HS3ST5: variants seen among roughly 807,000 people sequenced by gnomAD.
The protein encoded by HS3ST5 is heparan sulfate-glucosamine 3-sulfotransferase 5, also known as heparan sulfate glucosamine 3-O-sulfotransferase 5.
Under a neutral mutation model 25.4 loss-of-function variants are expected in HS3ST5, and 10 were observed. That is an observed-to-expected ratio of 0.39 (90% CI 0.24 to 0.67). The LOEUF is 0.67. Among genes scored for constraint, HS3ST5 ranks in the 30% least tolerant of loss-of-function variants. The probability of loss-of-function intolerance (pLI) is 0.44; values close to 1 mark genes in which losing one functional copy is unlikely to be tolerated. For synonymous variants in HS3ST5, 170 were observed against 162.4 expected (o/e 1.05, Z -0.36); for missense variants, 324 against 420.7 (o/e 0.77, Z 2.01).
chr6:114,341,589 C>CCGCG (rs5879260), intron 1 of HS3ST5, among the ~76,000 whole-genome samples: 16 of 145,956 alleles, frequency 1.1e-4, no homozygotes, highest in South Asian at 6.8e-4. Context: ...TGCATCCATC[C>CCGCG]CGCGCGCGCG....
At position 114,187,269 on chromosome 6, in the gene HS3ST5, C is replaced by A. The variant is rs536919486; in HGVS notation, c.-144-18807G>T. Among the ~76,000 whole-genome samples, 38 of 152,220 alleles carry A rather than the reference C, an allele frequency of 2.5e-4. No homozygotes were observed. The South Asian group carries it at 7.7e-3, about 31-fold the overall frequency. On this transcript the variant is annotated intron_variant, in intron 2 of 4. Transcript: ENST00000312719. ...CAGTGATTCCTCTGATGAATCTGGGCAAAATAAATTAGAAATCTTCTGGAA... is the reference window on the plus strand; with the variant it reads ...CAGTGATTCCTCTGATGAATCTGGGAAAAATAAATTAGAAATCTTCTGGAA...
intron 2 of HS3ST5, among the ~76,000 whole-genome samples, chr6:114,168,770 T>C (rs1779334111): frequency 6.6e-6 from 1 of 152,194 alleles, no homozygotes; most frequent in African/African-American, 2.4e-5. Flanking sequence ...AACATTTGTA[T>C]AGCAGAACCT....
At chr6:114,277,569 CT>C (rs1209304171) in intron 1 of HS3ST5, among the ~76,000 whole-genome samples, 3 of 151,668 alleles carry the variant, frequency 2.0e-5, no homozygotes, top group African/African-American at 7.3e-5. Context: ...TTCCCCATTC[CT>C]TTTTCCCATT....
intron 1 of HS3ST5, among the ~76,000 whole-genome samples, chr6:114,325,057 G>A (rs6900928): frequency 0.063 from 9,640 of 152,216 alleles, 551 homozygotes; most frequent in African/African-American, 0.15. Flanking sequence ...GGATTGGCTT[G>A]GTGTAGAAAG....
chr6:114,167,991 C>T (rs769433599), intron 3 of HS3ST5, among the ~76,000 whole-genome samples: 3 of 152,072 alleles, frequency 2.0e-5, no homozygotes, highest in Non-Finnish European at 4.4e-5. Context: ...GACAAAGGAT[C>T]TCTGTGTTTA....
At chr6:114,318,542 A>C (rs1775836723) in intron 1 of HS3ST5, among the ~76,000 whole-genome samples, 1 of 152,144 alleles carries the variant, frequency 6.6e-6, no homozygotes, top group Non-Finnish European at 1.5e-5. Context: ...TCTTCACAGC[A>C]TTATTTCCTA....
chr6:114,115,247 T>C (rs562488083), intron 3 of HS3ST5, among the ~76,000 whole-genome samples: 2 of 152,232 alleles, frequency 1.3e-5, no homozygotes, highest in Admixed American at 6.5e-5. Flanking sequence ...TTAATTCTGA[T>C]TTTCTAAGAA....
intron 1 of HS3ST5, among the ~76,000 whole-genome samples, chr6:114,320,515 T>C (rs1051128124): frequency 6.6e-6 from 1 of 152,134 alleles, no homozygotes; most frequent in Non-Finnish European, 1.5e-5. Context: ...GATTGCATCA[T>C]AAGATAGCTC....
Position 114,057,671 on chromosome 6 carries a change from C to T in HS3ST5, c.627G>A (p.Lys209=), listed in dbSNP as rs750587994. 6.2e-7 allele frequency: 1 copy of T among 1,614,150 alleles called. No individual in the cohort carries two copies. The highest frequency in any genetic ancestry group is 1.1e-5 in the South Asian group (1 of 91,082). The change falls in exon 5 of 5, where the codon AAG becomes AAA. Residue 209 remains lysine (K), a synonymous_variant. Transcript: ENST00000312719. ...GKERKNKTYY[K]FEKLAIDPNT... The stretch of plus-strand genomic sequence containing the variant: ...TAGGGTCTATGGCCAGCTTCTCAAA[C>T]TTGTAATAAGTTTTGTTCTTCCTCT...
intron 1 of HS3ST5, among the ~76,000 whole-genome samples, chr6:114,292,536 A>G (rs1774626701): frequency 6.6e-6 from 1 of 152,240 alleles, no homozygotes; most frequent in Admixed American, 6.5e-5. Flanking sequence ...GGGACATACT[A>G]AAACCACAGC....
chr6:114,304,809 T>C (rs1775222376), intron 1 of HS3ST5, among the ~76,000 whole-genome samples: 1 of 152,138 alleles, frequency 6.6e-6, no homozygotes. Context: ...GTGTCTGACA[T>C]AATAAATGAC....
chr6:114,086,858 C>G (rs9320479), intron 3 of HS3ST5, among the ~76,000 whole-genome samples: 21,470 of 152,184 alleles, frequency 0.14, 1,550 homozygotes, highest in Middle Eastern at 0.21. Flanking sequence ...GAAGATAATG[C>G]AATTGAGTTT....
At chr6:114,321,970 AC>A (rs2114882878) in intron 1 of HS3ST5, among the ~76,000 whole-genome samples, 1 of 152,312 alleles carries the variant, frequency 6.6e-6, no homozygotes, top group Admixed American at 6.5e-5. Context: ...TTATTTTCTT[AC>A]AATCACTACT....
At chr6:114,293,485 C>A (rs1188231199) in intron 1 of HS3ST5, among the ~76,000 whole-genome samples, 2 of 152,122 alleles carry the variant, frequency 1.3e-5, no homozygotes, top group Non-Finnish European at 2.9e-5. Flanking sequence ...CTTAGCCTAG[C>A]TGCTGGGAAT....
chr6:114,219,927 G>T (rs1391158619), intron 2 of HS3ST5, among the ~76,000 whole-genome samples: 3 of 151,986 alleles, frequency 2.0e-5, no homozygotes, highest in African/African-American at 7.2e-5. Context: ...TTCACTACCA[G>T]AAAAACCATG....
chr6:114,140,341 AT>A lies in HS3ST5; in HGVS notation c.-33+28009del, dbSNP rs886847663. On this transcript the variant is annotated intron_variant, in intron 3 of 4. Transcript: ENST00000312719. ...CTTGCCATTTATAATAGTGATATAA[AT>A]TTTTTTTAACATAAATGCATTTAAA... 7.3e-4 allele frequency among the ~76,000 whole-genome samples: 111 copies of A among 152,226 alleles called. 2 individuals are homozygous for A. Among genetic ancestry groups the A allele is most frequent in the African/African-American group, 2.2e-3 (92 of 41,550 alleles).
chr6:114,130,228 C>G (rs1328969768), intron 3 of HS3ST5, among the ~76,000 whole-genome samples: 3 of 152,158 alleles, frequency 2.0e-5, no homozygotes, highest in African/African-American at 7.2e-5. Flanking sequence ...TTCAATGTGA[C>G]CAGCACCTCC....
At chr6:114,162,924 C>T (rs1446661512) in intron 3 of HS3ST5, among the ~76,000 whole-genome samples, 1 of 152,044 alleles carries the variant, frequency 6.6e-6, no homozygotes, top group Non-Finnish European at 1.5e-5. Context: ...TAATGGTTAC[C>T]CTGCCTTTTC....
At chr6:114,117,656 A>G (rs1454077978) in intron 3 of HS3ST5, among the ~76,000 whole-genome samples, 1 of 152,174 alleles carries the variant, frequency 6.6e-6, no homozygotes, top group African/African-American at 2.4e-5. Context: ...CCAGGCAAAA[A>G]AGACCAATTT....
Sources: gnomAD v4.1 joint callset for allele counts (sites outside exome capture counted in the v4.1 genomes callset) on GRCh38, gnomAD v4.1.1 for gene constraint, MANE v1.5 for transcripts, NCBI Gene and HGNC (gene_info 2026-07-23, HGNC 2026-07-21) for gene names.